The following NCALD variants were observed in gnomAD, a reference collection of about 807,000 sequenced individuals.
The protein encoded by NCALD is neurocalcin delta.
A neutral mutation model predicts 18.6 loss-of-function variants in NCALD; 10 were observed. That is an observed-to-expected ratio of 0.54 (90% CI 0.33 to 0.91). NCALD has a LOEUF of 0.91. Among genes scored for constraint, NCALD ranks in the 40% least tolerant of loss-of-function variants. The pLI is 0.03. For synonymous variants in NCALD, 88 were observed against 87.4 expected (o/e 1.01, Z -0.04); for missense variants, 184 against 247.6 (o/e 0.74, Z 1.72).
At chr8:101,709,967 A>C (rs1240395091) in intron 2 of NCALD, among the ~76,000 whole-genome samples, 2 of 152,258 alleles carry the variant, frequency 1.3e-5, no homozygotes, top group East Asian at 1.9e-4. Flanking sequence ...ATAAATAAAC[A>C]CATGAGGTTC....
intron 4 of NCALD, chr8:101,871,837 C>T (rs1816032804): frequency 5.8e-6 from 3 of 514,718 alleles, no homozygotes; most frequent in South Asian, 2.6e-5. Flanking sequence ...GCCTCAGTCA[C>T]CCTTGGAATC....
chr8:101,692,182 A>C, intron 3 of NCALD: 1 of 985,400 alleles, frequency 1.0e-6, no homozygotes. Flanking sequence ...CTTAAGTTGG[A>C]AATGCAACCT....
Position 101,688,035 on chromosome 8 carries a change from A to T in NCALD, c.*1274T>A, listed in dbSNP as rs1008819479. Reference sequence around the variant, plus strand: ...TCTTTAACAGGGGCAGGGAAACTGAATATTCCAGACCTGGCTCCCTAACCA... The same window carrying T: ...TCTTTAACAGGGGCAGGGAAACTGATTATTCCAGACCTGGCTCCCTAACCA... On this transcript the variant is annotated 3_prime_UTR_variant, in exon 4 of 4. Transcript: ENST00000220931. 2 of 152,240 alleles carry T rather than the reference A, an allele frequency of 1.3e-5. No individual in the cohort carries two copies. The highest frequency in any genetic ancestry group is 2.4e-5 in the African/African-American group (1 of 41,440). The allele number at this position is 152,240 out of a possible 1,614,324, so 9.4% of individuals were successfully genotyped here.
intron 1 of NCALD, among the ~76,000 whole-genome samples, chr8:101,740,602 G>C (rs183550181): frequency 2.4e-4 from 36 of 152,208 alleles, no homozygotes; most frequent in African/African-American, 8.4e-4. Context: ...TTTACTATCT[G>C]GTTACTATTT....
chr8:102,072,042 T>A (rs888749124), intron 1 of NCALD, among the ~76,000 whole-genome samples: 1 of 151,778 alleles, frequency 6.6e-6, no homozygotes, highest in African/African-American at 2.4e-5. Context: ...AAAAATAAAG[T>A]TGGAGGACTT....
intron 4 of NCALD, among the ~76,000 whole-genome samples, chr8:101,874,075 G>A (rs1816128577): frequency 6.6e-6 from 1 of 152,314 alleles, no homozygotes; most frequent in Middle Eastern, 3.4e-3. Context: ...GCTGCTAGAT[G>A]TATTTCATAT....
At chr8:101,910,103 T>C (rs1445556814) in intron 3 of NCALD, among the ~76,000 whole-genome samples, 2 of 151,942 alleles carry the variant, frequency 1.3e-5, no homozygotes, top group East Asian at 1.9e-4. Flanking sequence ...TCAGTGAGGA[T>C]AAAGATGTCA....
intron 3 of NCALD, chr8:101,690,937 C>G (rs979212628): frequency 1.0e-6 from 1 of 985,314 alleles, no homozygotes; most frequent in African/African-American, 1.7e-5. Context: ...GGCATGACGT[C>G]TGGCTTTCTT....
At chr8:102,083,333 A>C (rs974915126) in intron 1 of NCALD, among the ~76,000 whole-genome samples, 5 of 152,226 alleles carry the variant, frequency 3.3e-5, no homozygotes, top group Non-Finnish European at 5.9e-5. Context: ...TTTGGCAATA[A>C]GCAGACCATT....
intron 2 of NCALD, among the ~76,000 whole-genome samples, chr8:101,942,128 C>T (rs567334521): frequency 2.0e-5 from 3 of 152,132 alleles, no homozygotes; most frequent in Admixed American, 6.5e-5. Context: ...ATTTCCAACA[C>T]TGTATATAGC....
intron 3 of NCALD, among the ~76,000 whole-genome samples, chr8:101,905,949 T>C (rs751365909): frequency 2.0e-5 from 3 of 152,224 alleles, no homozygotes; most frequent in Non-Finnish European, 2.9e-5. Context: ...GTGAAGTAAG[T>C]CAATTTGAAA....
chr8:101,855,581 A>G (rs1457280747), intron 4 of NCALD, among the ~76,000 whole-genome samples: 1 of 152,188 alleles, frequency 6.6e-6, no homozygotes, highest in Non-Finnish European at 1.5e-5. Context: ...AGACATGGAT[A>G]TACTCAAGAA....
At chr8:101,832,993 T>C (rs1298886037) in intron 4 of NCALD, among the ~76,000 whole-genome samples, 4 of 152,210 alleles carry the variant, frequency 2.6e-5, no homozygotes, top group Non-Finnish European at 4.4e-5. Flanking sequence ...TTAAGTATGA[T>C]TGAAAATGGA....
intron 1 of NCALD, among the ~76,000 whole-genome samples, chr8:102,093,541 T>C (rs1824994822): frequency 6.6e-6 from 1 of 152,230 alleles, no homozygotes; most frequent in Non-Finnish European, 1.5e-5. Flanking sequence ...TGGGTAAAGA[T>C]CCTCAAGAGG....
At chr8:101,791,959 A>T (rs1046259529), upstream of NCALD, among the ~76,000 whole-genome samples, 2 of 152,168 alleles carry the variant, frequency 1.3e-5, no homozygotes, top group African/African-American at 2.4e-5. Context: ...AACTCTGCAC[A>T]CGTGCCTATT....
intron 1 of NCALD, among the ~76,000 whole-genome samples, chr8:102,097,719 A>G (rs926003135): frequency 6.6e-6 from 1 of 152,186 alleles, no homozygotes; most frequent in African/African-American, 2.4e-5. Flanking sequence ...CATTTTTAGC[A>G]CTGAAACCTT....
intron 2 of NCALD, among the ~76,000 whole-genome samples, chr8:101,702,143 G>A (rs1815296639): frequency 6.6e-6 from 1 of 152,060 alleles, no homozygotes; most frequent in Non-Finnish European, 1.5e-5. Flanking sequence ...CTCAGAAAAC[G>A]AAGCAAAACA....
intron 3 of NCALD, among the ~76,000 whole-genome samples, chr8:101,893,158 G>T (rs1264950): frequency 3.8e-4 from 57 of 151,672 alleles, no homozygotes; most frequent in African/African-American, 8.8e-4. Flanking sequence ...GACTAACAGC[G>T]GATCTCTCAG....
At chr8:101,920,197 T>C (rs1338507084) in intron 2 of NCALD, among the ~76,000 whole-genome samples, 4 of 152,086 alleles carry the variant, frequency 2.6e-5, no homozygotes, top group Admixed American at 2.6e-4. Flanking sequence ...GTCCAGGCTA[T>C]AGTGAGACAT....
Sources: gnomAD v4.1 joint callset for allele counts (sites outside exome capture counted in the v4.1 genomes callset) on GRCh38, gnomAD v4.1.1 for gene constraint, MANE v1.5 for transcripts, NCBI Gene and HGNC (gene_info 2026-07-23, HGNC 2026-07-21) for gene names.